The following PDE3A variants were observed in gnomAD, a reference collection of about 807,000 sequenced individuals.
PDE3A encodes cGMP-inhibited 3',5'-cyclic phosphodiesterase 3A.
A neutral mutation model predicts 98.3 loss-of-function variants in PDE3A; 43 were observed. That is an observed-to-expected ratio of 0.44 (90% CI 0.34 to 0.56). PDE3A has a LOEUF of 0.56. Among genes scored for constraint, PDE3A ranks in the 20% least tolerant of loss-of-function variants. The probability of loss-of-function intolerance (pLI) is 0.01; values close to 1 mark genes in which losing one functional copy is unlikely to be tolerated. For missense variants in PDE3A, 1,427 were observed against 1,440.7 expected, an observed-to-expected ratio of 0.99 and a Z score of 0.15; for synonymous variants, 663 against 567.9, an observed-to-expected ratio of 1.17 and a Z score of -2.38.
At chr12:20,410,964 G>A (rs1352131763) in intron 1 of PDE3A, among the ~76,000 whole-genome samples, 2 of 152,054 alleles carry the variant, frequency 1.3e-5, no homozygotes, top group African/African-American at 2.4e-5. Context: ...CCCATCAAAC[G>A]TATTTCACAA....
At chr12:20,658,402 A>G (rs1365411514) in intron 15 of PDE3A, among the ~76,000 whole-genome samples, 1 of 152,140 alleles carries the variant, frequency 6.6e-6, no homozygotes, top group Non-Finnish European at 1.5e-5. Context: ...AATTCTACCT[A>G]ATTTTCCACA....
chr12:20,641,381 T>G, intron 10 of PDE3A, among the ~76,000 whole-genome samples: 1 of 152,066 alleles, frequency 6.6e-6, no homozygotes, highest in East Asian at 1.9e-4. Flanking sequence ...CTTGCTTTCT[T>G]AATACAGTTT....
intron 15 of PDE3A, among the ~76,000 whole-genome samples, chr12:20,674,572 G>A (rs893274132): frequency 7.2e-5 from 11 of 152,138 alleles, no homozygotes; most frequent in African/African-American, 2.7e-4. Context: ...TTTATGCGAA[G>A]TCACCCAGTA....
At chr12:20,458,535 T>C (rs1039493182) in intron 1 of PDE3A, among the ~76,000 whole-genome samples, 4 of 152,162 alleles carry the variant, frequency 2.6e-5, no homozygotes, top group Non-Finnish European at 5.9e-5. Flanking sequence ...AAAAGATGTA[T>C]GCAGAAAACT....
intron 1 of PDE3A, 41 bp downstream of exon 1, chr12:20,370,285 A>G (rs1395887941): frequency 6.8e-7 from 1 of 1,480,662 alleles, no homozygotes; most frequent in South Asian, 1.5e-5. Flanking sequence ...TGGAAACTTG[A>G]AACACTTGGC....
intron 1 of PDE3A, among the ~76,000 whole-genome samples, chr12:20,441,585 A>C (rs1944872032): frequency 6.6e-6 from 1 of 152,198 alleles, no homozygotes; most frequent in African/African-American, 2.4e-5. Flanking sequence ...GACATGATAC[A>C]ACTAATATGT....
chr12:20,405,742 C>T (rs73235861), intron 1 of PDE3A, among the ~76,000 whole-genome samples: 7,888 of 152,116 alleles, frequency 0.052, 258 homozygotes, highest in African/African-American at 0.095. Flanking sequence ...GGGGTGGTGG[C>T]GACCATACTT....
At chr12:20,574,542 A>G (rs115901061) in intron 2 of PDE3A, among the ~76,000 whole-genome samples, 2 of 152,078 alleles carry the variant, frequency 1.3e-5, no homozygotes, top group African/African-American at 4.8e-5. Flanking sequence ...ATTAAAAAGT[A>G]TGTGGAATAA....
chr12:20,531,213 C>G (rs1387284380), intron 1 of PDE3A, among the ~76,000 whole-genome samples: 1 of 152,122 alleles, frequency 6.6e-6, no homozygotes, highest in East Asian at 1.9e-4. Flanking sequence ...TAAAAACAAA[C>G]AAACCAAAAA....
intron 1 of PDE3A, among the ~76,000 whole-genome samples, chr12:20,395,153 G>T (rs1256303652): frequency 6.6e-6 from 1 of 151,982 alleles, no homozygotes; most frequent in Non-Finnish European, 1.5e-5. Flanking sequence ...CTAGCCACTT[G>T]TTAGCCATGT....
At chr12:20,520,942 T>C (rs981132958) in intron 1 of PDE3A, among the ~76,000 whole-genome samples, 2 of 152,248 alleles carry the variant, frequency 1.3e-5, no homozygotes, top group African/African-American at 4.8e-5. Context: ...AGGGGAGACC[T>C]TGGCTCATGA....
At chr12:20,547,861 A>G (rs1465065426) in intron 1 of PDE3A, among the ~76,000 whole-genome samples, 1 of 152,084 alleles carries the variant, frequency 6.6e-6, no homozygotes, top group Non-Finnish European at 1.5e-5. Context: ...ATTTTCAGCA[A>G]TCTATTTCTC....
intron 5 of PDE3A, among the ~76,000 whole-genome samples, chr12:20,622,319 A>C (rs1297362261): frequency 6.6e-6 from 1 of 152,064 alleles, no homozygotes; most frequent in Admixed American, 6.6e-5. Flanking sequence ...ACTCCATGCC[A>C]ATAGTCAGTA....
intron 5 of PDE3A, among the ~76,000 whole-genome samples, chr12:20,628,317 A>T (rs1350907087): frequency 6.6e-6 from 1 of 152,136 alleles, no homozygotes; most frequent in Non-Finnish European, 1.5e-5. Context: ...TCAGGATACT[A>T]TGTAATGTGA....
chr12:20,375,823 T>C (rs1943560924), intron 1 of PDE3A, among the ~76,000 whole-genome samples: 1 of 151,910 alleles, frequency 6.6e-6, no homozygotes, highest in Non-Finnish European at 1.5e-5. Flanking sequence ...GAAATGCATA[T>C]AATAACTTGG....
intron 1 of PDE3A, among the ~76,000 whole-genome samples, chr12:20,416,962 C>T (rs564415340): frequency 6.6e-6 from 1 of 152,038 alleles, no homozygotes; most frequent in East Asian, 1.9e-4. Context: ...TAAATTTATC[C>T]TATTAAGGGA....
chr12:20,476,405 A>G (rs1008728056), intron 1 of PDE3A, among the ~76,000 whole-genome samples: 2 of 152,232 alleles, frequency 1.3e-5, no homozygotes, highest in Non-Finnish European at 2.9e-5. Flanking sequence ...TATGATCTTA[A>G]TAAGTAGAGA....
At chr12:20,548,204 A>G (rs1942104293) in intron 1 of PDE3A, among the ~76,000 whole-genome samples, 1 of 152,094 alleles carries the variant, frequency 6.6e-6, no homozygotes, top group Non-Finnish European at 1.5e-5. Flanking sequence ...AAGGGTCTTC[A>G]TTGTGCCTAT....
intron 15 of PDE3A, among the ~76,000 whole-genome samples, chr12:20,661,888 AATGGAACT>A (rs1945179062): frequency 3.0e-5 from 1 of 33,896 alleles, no homozygotes; most frequent in African/African-American, 6.1e-5. Flanking sequence ...GGCAGTGCCT[AATGGAACT>A]GTGAGAAGAG....
Sources: gnomAD v4.1 joint callset for allele counts (sites outside exome capture counted in the v4.1 genomes callset) on GRCh38, gnomAD v4.1.1 for gene constraint, MANE v1.5 for transcripts, NCBI Gene and HGNC (gene_info 2026-07-23, HGNC 2026-07-21) for gene names.